The following ADAMTSL3 variants were observed in gnomAD, a reference collection of about 807,000 sequenced individuals.
ADAMTSL3 encodes ADAMTS-like protein 3.
ADAMTSL3 carries 128 observed loss-of-function variants against 201.7 expected under a neutral mutation model. The ratio of observed to expected loss-of-function variants is 0.63; its 90% CI spans 0.55 to 0.73. ADAMTSL3 has a LOEUF of 0.73. ADAMTSL3 is among the 30% of genes least tolerant of loss of function. The pLI, the probability that ADAMTSL3 is intolerant of heterozygous loss-of-function variation, is 0.00. For synonymous variants in ADAMTSL3, 738 were observed against 748.4 expected (o/e 0.99, Z 0.23); for missense variants, 1,990 against 2,119.6 (o/e 0.94, Z 1.20).
At chr15:83,974,896 G>A (rs1037332768) in intron 20 of ADAMTSL3, among the ~76,000 whole-genome samples, 4 of 151,186 alleles carry the variant, frequency 2.6e-5, no homozygotes, top group African/African-American at 9.7e-5. Context: ...TTATTGAAAT[G>A]TCAAGAAAAA....
chr15:83,866,625 G>C (rs969889482), intron 8 of ADAMTSL3, among the ~76,000 whole-genome samples: 1 of 151,986 alleles, frequency 6.6e-6, no homozygotes, highest in Non-Finnish European at 1.5e-5. Flanking sequence ...GGGGGGAGTG[G>C]GGAGGGATAG....
chr15:83,710,398 C>A (rs189423731), intron 3 of ADAMTSL3, among the ~76,000 whole-genome samples: 1 of 152,306 alleles, frequency 6.6e-6, no homozygotes, highest in Non-Finnish European at 1.5e-5. Flanking sequence ...CTGTCTCTTG[C>A]TGCTTTCTGC....
At chr15:83,757,746 A>G (rs2062744412) in intron 3 of ADAMTSL3, among the ~76,000 whole-genome samples, 1 of 152,142 alleles carries the variant, frequency 6.6e-6, no homozygotes, top group Admixed American at 6.5e-5. Flanking sequence ...TTTTCATTTC[A>G]TTATGAATGC....
chr15:84,026,519 G>C (rs1052143978), intron 27 of ADAMTSL3, among the ~76,000 whole-genome samples: 4 of 152,240 alleles, frequency 2.6e-5, no homozygotes, highest in South Asian at 4.1e-4. Context: ...GAACAAAGTT[G>C]CAGGACTCAG....
chr15:83,673,107 G>A (rs2061349371), intron 2 of ADAMTSL3, among the ~76,000 whole-genome samples: 1 of 152,248 alleles, frequency 6.6e-6, no homozygotes. Context: ...GTGGCAGGCG[G>A]CCATGATCTG....
chr15:83,763,228 C>G (rs1229977969), intron 3 of ADAMTSL3, among the ~76,000 whole-genome samples: 1 of 152,156 alleles, frequency 6.6e-6, no homozygotes, highest in East Asian at 1.9e-4. Context: ...TTGTCACCAA[C>G]AAGCTCCCAG....
chr15:83,889,305 T>C (rs1267160064), intron 10 of ADAMTSL3, among the ~76,000 whole-genome samples: 3 of 152,146 alleles, frequency 2.0e-5, no homozygotes, highest in Non-Finnish European at 4.4e-5. Context: ...TTGGAAAGCT[T>C]ATTGGTATTG....
intron 3 of ADAMTSL3, among the ~76,000 whole-genome samples, chr15:83,725,324 C>CAT (rs2062157662): frequency 1.3e-5 from 2 of 152,130 alleles, no homozygotes; most frequent in African/African-American, 4.8e-5. Flanking sequence ...AGTACTTTTT[C>CAT]ATATGCCTGT....
At chr15:83,847,498 T>C (rs2064523846) in intron 7 of ADAMTSL3, among the ~76,000 whole-genome samples, 1 of 150,858 alleles carries the variant, frequency 6.6e-6, no homozygotes, top group Non-Finnish European at 1.5e-5. Flanking sequence ...CAGGTAACTT[T>C]TTTTTTTTTT....
chr15:83,670,258 CAAAAAAAA>C (rs60947988), intron 2 of ADAMTSL3, among the ~76,000 whole-genome samples: 1 of 64,522 alleles, frequency 1.5e-5, no homozygotes, highest in African/African-American at 6.3e-5. Flanking sequence ...ACTCTGTCTC[CAAAAAAAA>C]AAAAAAAAAA....
chr15:83,910,990 T>C (rs570800344), intron 15 of ADAMTSL3, among the ~76,000 whole-genome samples: 1 of 152,236 alleles, frequency 6.6e-6, no homozygotes, highest in East Asian at 1.9e-4. Flanking sequence ...ATCACCAAGA[T>C]ACAGAAGTCC....
chr15:84,031,763 A>C (rs1362495349), intron 28 of ADAMTSL3, among the ~76,000 whole-genome samples: 1 of 152,232 alleles, frequency 6.6e-6, no homozygotes, highest in East Asian at 1.9e-4. Flanking sequence ...TATTCCATTT[A>C]GGCTTACAGA....
At chr15:83,830,551 A>G (rs995421291) in intron 6 of ADAMTSL3, among the ~76,000 whole-genome samples, 5 of 152,214 alleles carry the variant, frequency 3.3e-5, no homozygotes, top group Non-Finnish European at 5.9e-5. Flanking sequence ...ACTAAAGATC[A>G]CTGGCAACAG....
chr15:83,948,650 A>G (rs987563288), intron 19 of ADAMTSL3, among the ~76,000 whole-genome samples: 3 of 152,184 alleles, frequency 2.0e-5, no homozygotes, highest in South Asian at 2.1e-4. Flanking sequence ...CATTCTATGA[A>G]TCATTATCCT....
At chr15:83,832,228 C>T (rs750137764) in intron 6 of ADAMTSL3, among the ~76,000 whole-genome samples, 1 of 152,056 alleles carries the variant, frequency 6.6e-6, no homozygotes, top group African/African-American at 2.4e-5. Flanking sequence ...ACATGAGCTC[C>T]CCTTCCCACA....
In ADAMTSL3 at chr15:84,031,333, A is replaced by G. The variant is rs1488727466; in HGVS notation, c.4657-2A>G. 6.8e-6 allele frequency: 11 copies of G among 1,613,518 alleles called. No homozygotes were observed. Among genetic ancestry groups the G allele is most frequent in the South Asian group, 3.3e-5 (3 of 91,054 alleles). ...ACACTGCACTGTGCTTTTTTGTTCC[A>G]GTGTCCTGGACGTTGCATGGGCCGT... On this transcript the variant is annotated splice_acceptor_variant, in intron 27 of 29. Coordinates refer to ENST00000286744, the MANE Select transcript of ADAMTSL3 (RefSeq NM_207517.3). LOFTEE classifies it high-confidence loss of function.
At chr15:83,806,525 G>A (rs1291981268) in intron 5 of ADAMTSL3, among the ~76,000 whole-genome samples, 1 of 152,196 alleles carries the variant, frequency 6.6e-6, no homozygotes, top group Non-Finnish European at 1.5e-5. Context: ...AAAATTGGAA[G>A]CAAAAACGAA....
intron 7 of ADAMTSL3, among the ~76,000 whole-genome samples, chr15:83,857,316 T>C (rs147996818): frequency 0.011 from 1,652 of 152,286 alleles, 24 homozygotes; most frequent in African/African-American, 0.038. Context: ...AGGTTTGATT[T>C]TGATTTGGTC....
At chr15:83,741,287 G>T (rs376288291) in intron 3 of ADAMTSL3, among the ~76,000 whole-genome samples, 2 of 151,192 alleles carry the variant, frequency 1.3e-5, no homozygotes, top group African/African-American at 2.4e-5. Context: ...TTCTTTTTAG[G>T]TTACTGCATC....
Sources: allele counts gnomAD v4.1 joint callset (sites outside exome capture counted in the v4.1 genomes callset), GRCh38; gene constraint gnomAD v4.1.1; transcripts MANE v1.5; gene names NCBI Gene and HGNC (gene_info 2026-07-23, HGNC 2026-07-21).